Variants in CACNB2 observed in about 807,000 individuals in gnomAD.
The protein encoded by CACNB2 is calcium voltage-gated channel auxiliary subunit beta 2, also known as voltage-dependent L-type calcium channel subunit beta-2.
Under a neutral mutation model 73.3 loss-of-function variants are expected in CACNB2, and 42 were observed. The ratio of observed to expected loss-of-function variants is 0.57; its 90% CI spans 0.45 to 0.74. The LOEUF (loss-of-function observed/expected upper bound fraction) is 0.74, where lower values mean the gene tolerates loss of function less well. Ranked by LOEUF, CACNB2 falls within the 30% of genes least tolerant of loss-of-function variation. The pLI, the probability that CACNB2 is intolerant of heterozygous loss-of-function variation, is 0.00. For synonymous variants in CACNB2, 348 were observed against 310.3 expected (o/e 1.12, Z -1.28); for missense variants, 940 against 853.0 (o/e 1.10, Z -1.27).
chr10:18,172,051 G>A (rs931398910), intron 2 of CACNB2, among the ~76,000 whole-genome samples: 1 of 152,058 alleles, frequency 6.6e-6, no homozygotes, highest in Non-Finnish European at 1.5e-5. Flanking sequence ...TACAAAACCA[G>A]GATCTTGGCA....
rs935005902 is a variant in CACNB2, at chr10:18,499,808, A to C, written c.457-1004A>C. Among the ~76,000 whole-genome samples the C allele has an allele frequency of 3.9e-3, 565 of 145,366 alleles. 4 individuals carry two copies. Among genetic ancestry groups the C allele is most frequent in the African/African-American group, 0.014 (539 of 39,468 alleles). On this transcript the variant is annotated intron_variant, in intron 4 of 13. Transcript: ENST00000324631. Reference sequence around the variant, plus strand: ...CAACAGGGTAAAACCCCATCTCTAAAAAAAAAAAAAAAAAAAAAATTAACC... The same window carrying C: ...CAACAGGGTAAAACCCCATCTCTAACAAAAAAAAAAAAAAAAAAATTAACC...
intron 3 of CACNB2, among the ~76,000 whole-genome samples, chr10:18,495,644 C>A (rs533753257): frequency 5.5e-4 from 83 of 151,540 alleles, no homozygotes; most frequent in Admixed American, 4.5e-3. Flanking sequence ...AACTCCTGGG[C>A]TCAAGTGATG....
intron 3 of CACNB2, among the ~76,000 whole-genome samples, chr10:18,457,495 T>A (rs1038944594): frequency 6.6e-6 from 1 of 152,218 alleles, no homozygotes; most frequent in African/African-American, 2.4e-5. Flanking sequence ...TAGCAATGCC[T>A]CCTTTTAAGA....
At chr10:18,440,238 C>A (rs1044420780) in intron 3 of CACNB2, among the ~76,000 whole-genome samples, 1 of 152,158 alleles carries the variant, frequency 6.6e-6, no homozygotes, top group Non-Finnish European at 1.5e-5. Context: ...CATGACCTAA[C>A]TACCTTGTTA....
chr10:18,355,676 G>A (rs1003049370), intron 2 of CACNB2, among the ~76,000 whole-genome samples: 16 of 146,424 alleles, frequency 1.1e-4, no homozygotes, highest in East Asian at 6.0e-4. Context: ...TTGCTCTGTC[G>A]CCCAGGGTGG....
At chr10:18,312,265 A>G (rs955447094) in intron 2 of CACNB2, among the ~76,000 whole-genome samples, 1 of 152,250 alleles carries the variant, frequency 6.6e-6, no homozygotes, top group African/African-American at 2.4e-5. Flanking sequence ...TTAAATTGGA[A>G]TTAAATGACT....
chr10:18,416,891 G>T (rs1490366589), intron 3 of CACNB2, among the ~76,000 whole-genome samples: 1 of 151,666 alleles, frequency 6.6e-6, no homozygotes, highest in Non-Finnish European at 1.5e-5. Context: ...GAAGGATCTT[G>T]CCCAAGCTCA....
rs114048010 is a variant in CACNB2, at chr10:18,530,605, T to C, written c.1054+2908T>C. ...AGTGTAGAGTATATCATGTAATGTA[T>C]TGAATACTAAAAGTGAAAAACAGAA... On this transcript the variant is annotated intron_variant, in intron 10 of 13. Coordinates refer to ENST00000324631, the MANE Select transcript of CACNB2 (RefSeq NM_201596.3). Among the ~76,000 whole-genome samples the C allele has an allele frequency of 1.6e-3, 243 of 151,924 alleles. 1 individual carries two copies. Among genetic ancestry groups the C allele is most frequent in the African/African-American group, 5.6e-3 (232 of 41,408 alleles).
chr10:18,236,564 G>T (rs1275053744), intron 2 of CACNB2, among the ~76,000 whole-genome samples: 1 of 152,212 alleles, frequency 6.6e-6, no homozygotes, highest in African/African-American at 2.4e-5. Context: ...AATGCCAATT[G>T]TTGGTATTAG....
intron 2 of CACNB2, among the ~76,000 whole-genome samples, chr10:18,297,898 G>T (rs1231329336): frequency 1.3e-5 from 2 of 152,192 alleles, no homozygotes; most frequent in African/African-American, 4.8e-5. Flanking sequence ...TCTAGCCCAG[G>T]TATTTCTGAG....
At chr10:18,280,016 T>C (rs1264295765) in intron 2 of CACNB2, among the ~76,000 whole-genome samples, 2 of 152,072 alleles carry the variant, frequency 1.3e-5, no homozygotes, top group African/African-American at 4.8e-5. Flanking sequence ...GAGGTGGAGG[T>C]TGCTGTGAGC....
Position 18,177,465 on chromosome 10 carries a change from CAA to C in CACNB2, c.213+26506_213+26507del, listed in dbSNP as rs35967003. 8.4e-3 allele frequency among the ~76,000 whole-genome samples: 1,089 copies of C among 130,292 alleles called. 5 individuals are homozygous for C. The highest frequency in any genetic ancestry group is 0.017 in the Middle Eastern group (4 of 240). 85.5% of individuals were successfully genotyped at this position (130,292 alleles called of 152,430 possible). A position where few individuals can be genotyped will look rare whatever the true frequency, so the allele number is the denominator to read the frequency against. ...TGAAACCCCGTCTCTATTAAAAATG[CAA>C]AAAAAAAAAAAAAAATAGCTGGGTG... On this transcript the variant is annotated intron_variant, in intron 2 of 13. Transcript: ENST00000324631.
intron 3 of CACNB2, among the ~76,000 whole-genome samples, chr10:18,455,589 G>T (rs2047239250): frequency 6.6e-6 from 1 of 152,210 alleles, no homozygotes. Context: ...GCTGGTGAAG[G>T]AGTTTTTAGT....
chr10:18,184,496 AT>A (rs2131231594), intron 2 of CACNB2, among the ~76,000 whole-genome samples: 1 of 152,206 alleles, frequency 6.6e-6, no homozygotes, highest in South Asian at 2.1e-4. Flanking sequence ...TAATACTGAT[AT>A]ACTAACCAAC....
intron 2 of CACNB2, chr10:18,400,716 T>C (rs932492849): frequency 5.8e-6 from 7 of 1,203,750 alleles, no homozygotes; most frequent in Non-Finnish European, 7.3e-6. Flanking sequence ...AGAGAATGTT[T>C]AGGGTTATGA....
intron 2 of CACNB2, among the ~76,000 whole-genome samples, chr10:18,357,273 C>T (rs1242150092): frequency 6.6e-6 from 1 of 152,188 alleles, no homozygotes; most frequent in Non-Finnish European, 1.5e-5. Context: ...TATTTCAGCA[C>T]TCGTCCTTTA....
intron 2 of CACNB2, among the ~76,000 whole-genome samples, chr10:18,343,836 C>T (rs1399671220): frequency 6.6e-6 from 1 of 152,106 alleles, no homozygotes; most frequent in Non-Finnish European, 1.5e-5. Flanking sequence ...TACAAACGCT[C>T]TAAAACTGTG....
At chr10:18,510,115 A>C (rs1015358074) in intron 6 of CACNB2, among the ~76,000 whole-genome samples, 1 of 152,180 alleles carries the variant, frequency 6.6e-6, no homozygotes, top group African/African-American at 2.4e-5. Context: ...ACGTATTTCA[A>C]AATGAACTCA....
intron 2 of CACNB2, among the ~76,000 whole-genome samples, chr10:18,221,137 G>T (rs1016549084): frequency 1.3e-5 from 2 of 152,188 alleles, no homozygotes; most frequent in Admixed American, 6.5e-5. Flanking sequence ...TATGCCTTTG[G>T]TAAGAGGTTC....
Sources: gnomAD v4.1 joint callset for allele counts (sites outside exome capture counted in the v4.1 genomes callset) on GRCh38, gnomAD v4.1.1 for gene constraint, MANE v1.5 for transcripts, NCBI Gene and HGNC (gene_info 2026-07-23, HGNC 2026-07-21) for gene names.